SCN1A: variants seen among roughly 807,000 people sequenced by gnomAD.
SCN1A encodes sodium channel protein type 1 subunit alpha.
SCN1A carries 13 observed loss-of-function variants against 193.7 expected under a neutral mutation model. The ratio of observed to expected loss-of-function variants is 0.07; its 90% CI spans 0.04 to 0.11. SCN1A has a LOEUF of 0.11. Among genes scored for constraint, SCN1A ranks in the 10% least tolerant of loss-of-function variants. The pLI is 1.00. For missense variants in SCN1A, 1,432 were observed against 2,451.1 expected, an observed-to-expected ratio of 0.58 and a Z score of 8.78; for synonymous variants, 781 against 843.6, an observed-to-expected ratio of 0.93 and a Z score of 1.29.
At chr2:166,050,641 G>A (rs1834843) in intron 9 of SCN1A, among the ~76,000 whole-genome samples, 50,212 of 89,002 alleles carry the variant, frequency 0.56, 13,414 homozygotes, top group Non-Finnish European at 0.64. Flanking sequence ...ATATATATGT[G>A]TGTATATATT....
intron 2 of SCN1A, among the ~76,000 whole-genome samples, chr2:166,112,360 A>C (rs1023678375): frequency 2.0e-5 from 3 of 152,200 alleles, no homozygotes; most frequent in African/African-American, 7.2e-5. Flanking sequence ...ATTTTTTAGC[A>C]ATAAAGCATT....
upstream of SCN1A, among the ~76,000 whole-genome samples, chr2:166,129,022 C>A (rs866434886): frequency 1.1e-4 from 17 of 152,158 alleles, no homozygotes; most frequent in South Asian, 2.1e-4. Flanking sequence ...TTTTCTTTTG[C>A]CATCTAACAC....
chr2:166,033,091 C>T (rs1191406570), intron 19 of SCN1A, among the ~76,000 whole-genome samples: 3 of 151,838 alleles, frequency 2.0e-5, no homozygotes, highest in African/African-American at 7.3e-5. Flanking sequence ...AAGTAGCTAC[C>T]CTAAAATATG....
intron 23 of SCN1A, among the ~76,000 whole-genome samples, chr2:166,006,823 G>A (rs1691727641): frequency 1.3e-5 from 2 of 151,164 alleles, no homozygotes; most frequent in Admixed American, 6.6e-5. Flanking sequence ...TCAGGACCCA[G>A]ACCAATGTAC....
intron 23 of SCN1A, among the ~76,000 whole-genome samples, chr2:166,004,401 T>G (rs1444379957): frequency 6.6e-6 from 1 of 151,572 alleles, no homozygotes; most frequent in African/African-American, 2.4e-5. Context: ...TTTCTCGATT[T>G]TCTTTTCACA....
chr2:166,133,416 A>C (rs1035828390), intron 1 of SCN1A, among the ~76,000 whole-genome samples: 2 of 152,184 alleles, frequency 1.3e-5, no homozygotes, highest in African/African-American at 2.4e-5. Flanking sequence ...AGACAGAATA[A>C]TACATGAACC....
At chr2:166,145,423 T>A (rs1447406755) in intron 1 of SCN1A, among the ~76,000 whole-genome samples, 2 of 152,192 alleles carry the variant, frequency 1.3e-5, no homozygotes, top group Non-Finnish European at 2.9e-5. Context: ...TATAGCTACC[T>A]ATATCTTATA....
At chr2:166,075,968 T>C (rs1327293616) in intron 3 of SCN1A, among the ~76,000 whole-genome samples, 2 of 152,034 alleles carry the variant, frequency 1.3e-5, no homozygotes, top group African/African-American at 4.8e-5. Flanking sequence ...TTTTCTTTCC[T>C]GCAACTGCTT....
intron 19 of SCN1A, among the ~76,000 whole-genome samples, chr2:166,020,773 T>C (rs1023170532): frequency 6.6e-6 from 1 of 152,158 alleles, no homozygotes; most frequent in Non-Finnish European, 1.5e-5. Context: ...GAGAAGATAC[T>C]AAATTCAGGT....
In SCN1A at chr2:165,986,823, G is replaced by T. The variant is rs896250466; in HGVS notation, c.*4422C>A. The stretch of plus-strand genomic sequence containing the variant: ...TTTTTCTTTGAACTGATTCAAGAAT[G>T]AGCTGCAGACATTGTTGCATTCACC... On this transcript the variant is annotated 3_prime_UTR_variant, in exon 29 of 29. Transcript: ENST00000674923. The T allele has an allele frequency of 2.0e-5, 3 of 151,624 alleles. No individual in the cohort carries two copies. The highest frequency in any genetic ancestry group is 7.3e-5 in the African/African-American group (3 of 41,278). 9.4% of individuals were successfully genotyped at this position (151,624 alleles called of 1,614,324 possible). A position where few individuals can be genotyped will look rare whatever the true frequency, so the allele number is the denominator to read the frequency against.
chr2:166,040,900 T>G (rs1697086374), intron 16 of SCN1A, among the ~76,000 whole-genome samples: 1 of 152,238 alleles, frequency 6.6e-6, no homozygotes, highest in Non-Finnish European at 1.5e-5. Flanking sequence ...AATTTTATTT[T>G]AATCTTCTAC....
chr2:166,051,392 G>A (rs779807126), intron 9 of SCN1A, among the ~76,000 whole-genome samples: 5 of 151,840 alleles, frequency 3.3e-5, no homozygotes, highest in Non-Finnish European at 5.9e-5. Flanking sequence ...AAAAGATCAC[G>A]TCTTGTTATG....
intron 23 of SCN1A, among the ~76,000 whole-genome samples, chr2:166,004,334 A>G (rs180790568): frequency 1.2e-3 from 187 of 151,588 alleles, no homozygotes; most frequent in African/African-American, 3.5e-3. Flanking sequence ...TAAAATACGT[A>G]TTTTGCCTTC....
chr2:166,094,772 G>A (rs925861045), intron 2 of SCN1A, among the ~76,000 whole-genome samples: 2 of 152,146 alleles, frequency 1.3e-5, no homozygotes, highest in South Asian at 2.1e-4. Flanking sequence ...AAACTTCAAC[G>A]ATGCTCAGTT....
intron 4 of SCN1A, 53 bp downstream of exon 4, chr2:166,073,305 A>G: frequency 1.2e-6 from 2 of 1,604,694 alleles, no homozygotes; most frequent in Non-Finnish European, 1.7e-6. Context: ...ACAACAGTCC[A>G]AGGAATGCAG....
chr2:166,012,057 A>G (rs1430195788), intron 22 of SCN1A, 52 bp downstream of exon 22: 1 of 1,530,334 alleles, frequency 6.5e-7, no homozygotes, highest in Non-Finnish European at 9.0e-7. Context: ...GAATTTGAAT[A>G]TAAATAAGAC....
At chr2:166,033,034 C>T (rs1440558969) in intron 19 of SCN1A, among the ~76,000 whole-genome samples, 2 of 152,124 alleles carry the variant, frequency 1.3e-5, no homozygotes, top group East Asian at 3.8e-4. Flanking sequence ...TTGTACCAAA[C>T]ATGTTTAAGT....
chr2:166,094,391 A>C (rs1394102804), intron 2 of SCN1A, among the ~76,000 whole-genome samples: 1 of 152,206 alleles, frequency 6.6e-6, no homozygotes, highest in East Asian at 1.9e-4. Flanking sequence ...GTTTTAGTGT[A>C]GTTGATAGTA....
chr2:166,054,699 C>G lies in SCN1A; in HGVS notation c.541G>C (p.Glu181Gln). The G allele has an allele frequency of 6.2e-7, 1 of 1,612,038 alleles. No homozygotes were observed. Among genetic ancestry groups the G allele is most frequent in the Non-Finnish European group, 8.5e-7 (1 of 1,178,650 alleles). ...IKIIARGFCL[E>Q]DFTFLRDPWN... ...GGATCCCGAAGGAAAGTAAAATCTT[C>G]TAAACAGAATCCCCTTGCAATAATT... The change falls in exon 7 of 29, where the codon GAA becomes CAA. Residue 181 changes from glutamate (E) to glutamine (Q), a missense_variant. This residue lies in a region of SCN1A where 123 missense variants were observed against 282.8 expected (regional missense o/e 0.43). Transcript: ENST00000674923.
Sources: allele counts gnomAD v4.1 joint callset (sites outside exome capture counted in the v4.1 genomes callset), GRCh38; gene constraint gnomAD v4.1.1; regional missense constraint gnomAD v4.1.1; transcripts MANE v1.5; gene names NCBI Gene and HGNC (gene_info 2026-07-23, HGNC 2026-07-21).